Variants in ATP8A2 observed in about 807,000 individuals in gnomAD.
ATP8A2 encodes ATPase phospholipid transporting 8A2.
Under a neutral mutation model 165.6 loss-of-function variants are expected in ATP8A2, and 100 were observed. That is an observed-to-expected ratio of 0.60 (90% CI 0.51 to 0.71). The LOEUF (loss-of-function observed/expected upper bound fraction) is 0.71, where lower values mean the gene tolerates loss of function less well. ATP8A2 is among the 30% of genes least tolerant of loss of function. The probability of loss-of-function intolerance (pLI) is 0.00; values close to 1 mark genes in which losing one functional copy is unlikely to be tolerated. For synonymous variants in ATP8A2, 543 were observed against 548.8 expected (o/e 0.99, Z 0.15); for missense variants, 1,227 against 1,479.5 (o/e 0.83, Z 2.80).
At position 25,396,673 on chromosome 13, in the gene ATP8A2, C is replaced by T. The variant is rs374476259; in HGVS notation, c.76+24385C>T. Among the ~76,000 whole-genome samples the T allele has an allele frequency of 1.1e-4, 17 of 152,256 alleles. No homozygotes were observed. The South Asian group carries it at 2.5e-3, about 22-fold the overall frequency. On this transcript the variant is annotated intron_variant, in intron 1 of 36. Transcript: ENST00000381655. ...TTCATGTTCCCAATCTTTGCTCTCA[C>T]GAACTCTATTTTGGGGCTGGAAATT... is the stretch of plus-strand genomic sequence containing the variant.
At position 25,543,363 on chromosome 13, in the gene ATP8A2, C is replaced by T; in HGVS notation, c.852C>T (p.Gly284=). ...TTAGAAATACTCAGTGGGTCTTTGG[C>T]ATAGTTGTTTATACTGGACACGACA... The part of the protein sequence containing the change: ...TQLRNTQWVF[G]IVVYTGHDTK... The change falls in exon 10 of 37, where the codon GGC becomes GGT. Residue 284 remains glycine, a synonymous_variant. Coordinates refer to ENST00000381655, the MANE Select transcript of ATP8A2 (RefSeq NM_016529.6). 1 of 1,612,898 alleles carries T rather than the reference C, an allele frequency of 6.2e-7. No homozygotes were observed. The highest frequency in any genetic ancestry group is 8.5e-7 in the Non-Finnish European group (1 of 1,179,064).
chr13:25,855,854 A>AGTG (rs1291526569), intron 30 of ATP8A2, among the ~76,000 whole-genome samples: 1 of 152,122 alleles, frequency 6.6e-6, no homozygotes, highest in African/African-American at 2.4e-5. Flanking sequence ...GTGGGTGTTA[A>AGTG]GTGGTATCTC....
chr13:25,802,310 T>G (rs923010734), intron 27 of ATP8A2, among the ~76,000 whole-genome samples: 2 of 152,154 alleles, frequency 1.3e-5, no homozygotes, highest in African/African-American at 4.8e-5. Context: ...ATGGAGAGCT[T>G]GAAGACCAGC....
intron 24 of ATP8A2, among the ~76,000 whole-genome samples, chr13:25,642,247 T>A (rs569911555): frequency 5.9e-5 from 9 of 152,098 alleles, no homozygotes; most frequent in Admixed American, 6.6e-5. Flanking sequence ...CAAAATTGAC[T>A]AATGGGATCT....
At chr13:25,701,723 AACACACACACACACACAC>A (rs71077495) in intron 25 of ATP8A2, among the ~76,000 whole-genome samples, 4 of 140,482 alleles carry the variant, frequency 2.8e-5, no homozygotes, top group Non-Finnish European at 4.6e-5. Context: ...TTGATACTAA[AACACACACACACACACAC>A]ACACACACAC....
rs145423998 is a variant in ATP8A2 at position 25,935,994 on chromosome 13, A to G, written c.3184-25581A>G. On this transcript the variant is annotated intron_variant, in intron 33 of 36. Coordinates refer to ENST00000381655, the MANE Select transcript of ATP8A2 (RefSeq NM_016529.6). ...TGTTACCATAAACAAGATTCAAACT[A>G]ACTTTAGATGAATCATCCTCAGTCA... Among the ~76,000 whole-genome samples, 3 of 152,348 alleles carry G rather than the reference A, an allele frequency of 2.0e-5. No individual in the cohort carries two copies. The East Asian group carries it at 5.8e-4, about 29-fold the overall frequency.
At chr13:25,873,628 C>T (rs1488177770) in intron 33 of ATP8A2, among the ~76,000 whole-genome samples, 2 of 151,370 alleles carry the variant, frequency 1.3e-5, no homozygotes, top group Non-Finnish European at 2.9e-5. Context: ...TATTTTTACC[C>T]CCTAAGTATC....
At chr13:25,790,769 A>G (rs2419339) in intron 27 of ATP8A2, among the ~76,000 whole-genome samples, 4 of 151,960 alleles carry the variant, frequency 2.6e-5, no homozygotes, top group African/African-American at 4.8e-5. Context: ...GCCAACAAGC[A>G]TACAAAATAA....
intron 25 of ATP8A2, among the ~76,000 whole-genome samples, chr13:25,763,709 TGA>T (rs2044432345): frequency 6.6e-6 from 1 of 152,098 alleles, no homozygotes; most frequent in African/African-American, 2.4e-5. Flanking sequence ...ATCTGGGCCA[TGA>T]GATTAAGTTT....
intron 29 of ATP8A2, among the ~76,000 whole-genome samples, 188 bp from the exon 30 acceptor site, chr13:25,839,358 A>G (rs1010871867): frequency 6.6e-6 from 1 of 151,418 alleles, no homozygotes; most frequent in Non-Finnish European, 1.5e-5. Context: ...TAATCCAGTC[A>G]TTTGTATGTA....
intron 32 of ATP8A2, 96 bp from the exon 33 acceptor site, chr13:25,862,205 G>C (rs1952376322): frequency 1.3e-6 from 1 of 789,876 alleles, no homozygotes; most frequent in South Asian, 1.5e-5. Context: ...CATAAGGAAA[G>C]GTAGCTTGGA....
chr13:25,596,882 G>A (rs1400126667), intron 24 of ATP8A2, among the ~76,000 whole-genome samples: 1 of 152,134 alleles, frequency 6.6e-6, no homozygotes, highest in Non-Finnish European at 1.5e-5. Flanking sequence ...TATTACCTGC[G>A]AGTTTTCATT....
intron 33 of ATP8A2, among the ~76,000 whole-genome samples, chr13:25,884,341 G>A (rs9511966): frequency 0.13 from 19,706 of 152,104 alleles, 1,533 homozygotes; most frequent in Non-Finnish European, 0.18. Flanking sequence ...AAATCATGTC[G>A]GGACCTCATT....
chr13:25,589,828 G>T, intron 24 of ATP8A2, 129 bp downstream of exon 24: 1 of 570,188 alleles, frequency 1.8e-6, no homozygotes, highest in East Asian at 3.1e-5. Context: ...TTTATTTTCT[G>T]TTTATATTTA....
At chr13:25,615,098 C>T (rs911979631) in intron 24 of ATP8A2, among the ~76,000 whole-genome samples, 3 of 152,048 alleles carry the variant, frequency 2.0e-5, no homozygotes, top group Non-Finnish European at 4.4e-5. Context: ...CATAGAGCTC[C>T]GAAGAGATTA....
At chr13:25,800,620 A>G (rs1180240610) in intron 27 of ATP8A2, among the ~76,000 whole-genome samples, 1 of 152,110 alleles carries the variant, frequency 6.6e-6, no homozygotes, top group Admixed American at 6.5e-5. Flanking sequence ...TAGGAAGGAG[A>G]TTTGCTGAAC....
At chr13:26,012,393 C>G (rs1382040618) in intron 35 of ATP8A2, 138 bp from the exon 36 acceptor site, 1 of 673,450 alleles carries the variant, frequency 1.5e-6, no homozygotes, top group East Asian at 3.2e-5. Context: ...CTGGAAATCA[C>G]GGGCCGCTGG....
intron 28 of ATP8A2, among the ~76,000 whole-genome samples, chr13:25,832,139 C>T (rs1951494681): frequency 6.6e-6 from 1 of 151,940 alleles, no homozygotes; most frequent in Admixed American, 6.6e-5. Context: ...CGGGGTTTCA[C>T]CATGGCCAGG....
chr13:25,705,264 T>TTCCATGA, intron 25 of ATP8A2: 1 of 335,314 alleles, frequency 3.0e-6, no homozygotes, highest in South Asian at 2.4e-5. Context: ...AAAGTGACTG[T>TTCCATGA]CTCGTCAGGA....
Sources: allele counts gnomAD v4.1 joint callset (sites outside exome capture counted in the v4.1 genomes callset), GRCh38; gene constraint gnomAD v4.1.1; transcripts MANE v1.5; gene names NCBI Gene and HGNC (gene_info 2026-07-23, HGNC 2026-07-21).